The following CNBD1 variants were observed in gnomAD, a reference collection of about 807,000 sequenced individuals.
CNBD1 encodes the protein cyclic nucleotide binding domain containing 1.
A neutral mutation model predicts 54.4 loss-of-function variants in CNBD1; 71 were observed. The observed-to-expected ratio is 1.30, with a 90% CI of 1.08 to 1.59. CNBD1 has a LOEUF of 1.59. Ranked by LOEUF, CNBD1 falls within the 40% of genes most tolerant of loss-of-function variation. The pLI, the probability that CNBD1 is intolerant of heterozygous loss-of-function variation, is 0.00. For missense variants in CNBD1, 659 were observed against 518.0 expected, an observed-to-expected ratio of 1.27 and a Z score of -2.64; for synonymous variants, 182 against 170.7, an observed-to-expected ratio of 1.07 and a Z score of -0.51.
At chr8:87,371,257 C>A (rs1229406866) in intron 10 of CNBD1, among the ~76,000 whole-genome samples, 2 of 151,894 alleles carry the variant, frequency 1.3e-5, no homozygotes, top group African/African-American at 4.8e-5. Flanking sequence ...TTTTCCATTT[C>A]TGTGAGGAAA....
At chr8:87,111,850 G>A (rs564671067) in intron 4 of CNBD1, among the ~76,000 whole-genome samples, 1 of 151,236 alleles carries the variant, frequency 6.6e-6, no homozygotes, top group Non-Finnish European at 1.5e-5. Context: ...CTCCCACCTT[G>A]CTGCTGACAA....
chr8:86,895,802 A>G (rs139905095), intron 2 of CNBD1, among the ~76,000 whole-genome samples: 1 of 152,050 alleles, frequency 6.6e-6, no homozygotes, highest in African/African-American at 2.4e-5. Context: ...TTGTTTTCTT[A>G]TTGTTGAGTT....
chr8:87,196,057 C>G (rs993983739), intron 4 of CNBD1, among the ~76,000 whole-genome samples: 9 of 151,980 alleles, frequency 5.9e-5, no homozygotes, highest in Admixed American at 3.9e-4. Flanking sequence ...TCAGTTATTC[C>G]CCTACCCACT....
chr8:86,875,892 G>T (rs1808513159), intron 1 of CNBD1, among the ~76,000 whole-genome samples: 1 of 152,006 alleles, frequency 6.6e-6, no homozygotes, highest in East Asian at 1.9e-4. Flanking sequence ...AATTTTCTTT[G>T]ATTATTTGGA....
At position 86,964,804 on chromosome 8, in the gene CNBD1, C is replaced by T. The variant is rs570914960; in HGVS notation, c.431+25050C>T. Among the ~76,000 whole-genome samples the T allele has an allele frequency of 2.8e-3, 432 of 152,312 alleles. 1 individual carries two copies. Among genetic ancestry groups the T allele is most frequent in the Non-Finnish European group, 4.1e-3 (277 of 68,032 alleles). Reference sequence around the variant, plus strand: ...GTTTCCCCAGTTCCCTGGGATTGACCCTTGCAGCCTCTCCTGAGATGGTCA... The same window carrying T: ...GTTTCCCCAGTTCCCTGGGATTGACTCTTGCAGCCTCTCCTGAGATGGTCA... On this transcript the variant is annotated intron_variant, in intron 4 of 10. Transcript: ENST00000518476.
intron 6 of CNBD1, among the ~76,000 whole-genome samples, chr8:87,278,485 G>T (rs572828992): frequency 7.8e-4 from 119 of 151,618 alleles, no homozygotes; most frequent in African/African-American, 2.8e-3. Context: ...AATAATGAAT[G>T]CCAGAGAACA....
In CNBD1 at chr8:87,272,125, A is replaced by T. The variant is rs185218577; in HGVS notation, c.772-12553A>T. ...GATGTGTGGTGAAGAGAGGTTGATTAATGGGTACAAATACACACTTAGAAT... is the reference window on the plus strand; with the variant it reads ...GATGTGTGGTGAAGAGAGGTTGATTTATGGGTACAAATACACACTTAGAAT... On this transcript the variant is annotated intron_variant, in intron 6 of 10. Transcript: ENST00000518476. Among the ~76,000 whole-genome samples, 26 of 152,036 alleles carry T rather than the reference A, an allele frequency of 1.7e-4. No individual in the cohort carries two copies. The East Asian group carries it at 4.9e-3, about 28-fold the overall frequency.
intron 4 of CNBD1, among the ~76,000 whole-genome samples, chr8:87,177,633 AT>A (rs1352623944): frequency 6.6e-6 from 1 of 152,134 alleles, no homozygotes; most frequent in Non-Finnish European, 1.5e-5. Flanking sequence ...TTTTTCACAC[AT>A]TTTTATGATA....
intron 10 of CNBD1, among the ~76,000 whole-genome samples, chr8:87,365,913 C>A (rs961017952): frequency 1.3e-5 from 2 of 151,950 alleles, no homozygotes; most frequent in African/African-American, 4.8e-5. Context: ...TGGAGAAGTT[C>A]TTTTCCTGCT....
chr8:87,087,228 C>G (rs555136880), intron 4 of CNBD1, among the ~76,000 whole-genome samples: 2 of 142,138 alleles, frequency 1.4e-5, no homozygotes, highest in East Asian at 4.0e-4. Flanking sequence ...ATTCTACACA[C>G]ACACACATAT....
chr8:87,357,692 G>T (rs1343942045), intron 10 of CNBD1, among the ~76,000 whole-genome samples: 1 of 152,156 alleles, frequency 6.6e-6, no homozygotes, highest in Non-Finnish European at 1.5e-5. Context: ...TTGGACTTTT[G>T]AGTTGATGCT....
rs139057673 is a variant in CNBD1, at chr8:86,905,331, A to G, written c.272+137A>G. On this transcript the variant is annotated intron_variant, in intron 3 of 10. Coordinates refer to ENST00000518476, the MANE Select transcript of CNBD1 (RefSeq NM_173538.3). ...TAGTGTGGAGGGCTAGGGAGCAGCC[A>G]AGGAAACAGAAATTAGTTGGTAAGG... 322 of 518,598 alleles carry G rather than the reference A, an allele frequency of 6.2e-4. 1 individual carries two copies. Among genetic ancestry groups the G allele is most frequent in the African/African-American group, 5.8e-3 (304 of 52,094 alleles). The allele number at this position is 518,598 out of a possible 1,614,324, so 32.1% of individuals were successfully genotyped here.
At chr8:87,417,200 G>A (rs116294528) in intron 2 of CNBD1, among the ~76,000 whole-genome samples, 1 of 152,020 alleles carries the variant, frequency 6.6e-6, no homozygotes, top group African/African-American at 2.4e-5. Flanking sequence ...AAAAGCAAAG[G>A]CACATCTTAC....
At chr8:86,966,761 G>A (rs1467824423) in intron 4 of CNBD1, among the ~76,000 whole-genome samples, 1 of 152,200 alleles carries the variant, frequency 6.6e-6, no homozygotes, top group African/African-American at 2.4e-5. Context: ...GCTCATAAAG[G>A]TAGTGCAGAC....
At chr8:87,385,577 C>T (rs1035506189), downstream of CNBD1, among the ~76,000 whole-genome samples, 2 of 151,962 alleles carry the variant, frequency 1.3e-5, no homozygotes, top group African/African-American at 2.4e-5. Context: ...GGGAGGGGCG[C>T]CCACCGTTGC....
At chr8:87,299,077 G>A (rs568901992) in intron 8 of CNBD1, among the ~76,000 whole-genome samples, 3 of 152,276 alleles carry the variant, frequency 2.0e-5, no homozygotes, top group East Asian at 1.9e-4. Flanking sequence ...TTCTTCAAGA[G>A]GTTTTCTAGT....
chr8:87,011,402 C>A (rs1809219106), intron 4 of CNBD1, among the ~76,000 whole-genome samples: 1 of 151,980 alleles, frequency 6.6e-6, no homozygotes, highest in Non-Finnish European at 1.5e-5. Context: ...GCATTTTGAC[C>A]CATTGTCTAT....
intron 4 of CNBD1, among the ~76,000 whole-genome samples, chr8:86,991,601 A>G (rs1266938619): frequency 7.2e-5 from 11 of 152,062 alleles, no homozygotes; most frequent in Admixed American, 7.2e-4. Context: ...TTCTAGGTGC[A>G]TTAAGTTAGA....
chr8:87,237,790 C>T lies in CNBD1; in HGVS notation c.771+678C>T, dbSNP rs184647119. ...CCAAATAATTTAGCATTATGGGGTACAATCAGAAAAATCCAGAACTAATAT... is the reference window on the plus strand; with the variant it reads ...CCAAATAATTTAGCATTATGGGGTATAATCAGAAAAATCCAGAACTAATAT... On this transcript the variant is annotated intron_variant, in intron 6 of 10. Transcript: ENST00000518476. Among the ~76,000 whole-genome samples, 640 of 151,974 alleles carry T rather than the reference C, an allele frequency of 4.2e-3. 2 individuals are homozygous for T. The highest frequency in any genetic ancestry group is 0.034 in the Middle Eastern group (10 of 292).
Sources: gnomAD v4.1 joint callset for allele counts (sites outside exome capture counted in the v4.1 genomes callset) on GRCh38, gnomAD v4.1.1 for gene constraint, MANE v1.5 for transcripts, NCBI Gene and HGNC (gene_info 2026-07-23, HGNC 2026-07-21) for gene names.